Variants in AKAP9 observed in about 807,000 individuals in gnomAD.
AKAP9 encodes the protein A-kinase anchoring protein 9.
A neutral mutation model predicts 488.5 loss-of-function variants in AKAP9; 311 were observed. The observed-to-expected ratio is 0.64, with a 90% CI of 0.58 to 0.70. The LOEUF (loss-of-function observed/expected upper bound fraction) is 0.70, where lower values mean the gene tolerates loss of function less well. Among genes scored for constraint, AKAP9 ranks in the 30% least tolerant of loss-of-function variants. The pLI is 0.00. For synonymous variants in AKAP9, 1,462 were observed against 1,483.5 expected (o/e 0.99, Z 0.33); for missense variants, 4,215 against 4,374.5 (o/e 0.96, Z 1.03).
At chr7:92,020,810 G>A (rs1374048893) in intron 12 of AKAP9, among the ~76,000 whole-genome samples, 1 of 152,210 alleles carries the variant, frequency 6.6e-6, no homozygotes, top group African/African-American at 2.4e-5. Flanking sequence ...TAAGAGGCAA[G>A]ATCCTCTGTT....
intron 5 of AKAP9, among the ~76,000 whole-genome samples, chr7:91,994,223 G>A (rs1798119299): frequency 6.6e-6 from 1 of 152,130 alleles, no homozygotes; most frequent in Non-Finnish European, 1.5e-5. Flanking sequence ...AACTGTCTAT[G>A]GCAGTCAGTT....
chr7:92,103,355 C>CA (rs1265602644), intron 46 of AKAP9, among the ~76,000 whole-genome samples: 1 of 128,166 alleles, frequency 7.8e-6, no homozygotes, highest in African/African-American at 3.0e-5. Flanking sequence ...GGCGCCACTA[C>CA]ACTCCAGCCA....
intron 49 of AKAP9, among the ~76,000 whole-genome samples, chr7:92,109,486 A>AT (rs942209914): frequency 1.4e-4 from 21 of 152,188 alleles, no homozygotes; most frequent in Admixed American, 1.4e-3. Flanking sequence ...CAAGACCCAG[A>AT]TTTTGAAGAC....
chr7:92,085,065 C>T (rs1814280346), intron 35 of AKAP9, 125 bp downstream of exon 35: 9 of 1,034,964 alleles, frequency 8.7e-6, no homozygotes, highest in South Asian at 1.4e-5. Flanking sequence ...TAGAAGGAAT[C>T]TGAGAGATCT....
chr7:92,042,314 G>T lies in AKAP9; in HGVS notation c.5058+128G>T, dbSNP rs1162447981. ...GCTTAACATATTTGTGACTGCATGT[G>T]TGTAAGGTAGGTGGAGTCAAAATGC... is the stretch of plus-strand genomic sequence containing the variant. On this transcript the variant is annotated intron_variant, in intron 19 of 49. Coordinates refer to ENST00000356239, the MANE Select transcript of AKAP9 (RefSeq NM_005751.5). 2.4e-6 allele frequency: 3 copies of T among 1,252,318 alleles called. No individual in the cohort carries two copies. The African/African-American group carries it at 4.4e-5, about 18-fold the overall frequency. 77.6% of individuals were successfully genotyped at this position (1,252,318 alleles called of 1,614,324 possible).
chr7:91,954,661 A>G (rs1293648699), intron 1 of AKAP9, among the ~76,000 whole-genome samples: 1 of 152,204 alleles, frequency 6.6e-6, no homozygotes, highest in East Asian at 1.9e-4. Context: ...TCTAGCCTAG[A>G]GGCTCCCAAA....
At chr7:92,065,111 G>A in intron 24 of AKAP9, 120 bp from the exon 25 acceptor site, 1 of 565,066 alleles carries the variant, frequency 1.8e-6, no homozygotes, top group South Asian at 2.7e-5. Context: ...ACTTTCATGT[G>A]TATTTAAAAT....
At chr7:92,097,508 A>G in intron 41 of AKAP9, 78 bp from the exon 42 acceptor site, 1 of 1,529,066 alleles carries the variant, frequency 6.5e-7, no homozygotes, top group Non-Finnish European at 9.0e-7. Context: ...ATAAACAATA[A>G]TTGTGTTCCC....
intron 14 of AKAP9, among the ~76,000 whole-genome samples, chr7:92,026,723 G>A (rs1042553218): frequency 1.3e-5 from 2 of 152,222 alleles, no homozygotes; most frequent in African/African-American, 4.8e-5. Context: ...CTCCCAAAGT[G>A]CTGAGATTAC....
At position 91,947,793 on chromosome 7, in the gene AKAP9, AT is replaced by A. The variant is rs879732744; in HGVS notation, c.48+6654del. Among the ~76,000 whole-genome samples the A allele has an allele frequency of 3.0e-3, 453 of 152,158 alleles. 2 individuals are homozygous for A. The highest frequency in any genetic ancestry group is 0.01 in the African/African-American group (424 of 41,540). ...AGGTGCTAGATATAAAGAAGCTATAATTTTTTTTAATTGAGGTGAAATTCAT... is the reference window on the plus strand; with the variant it reads ...AGGTGCTAGATATAAAGAAGCTATAATTTTTTTAATTGAGGTGAAATTCAT... On this transcript the variant is annotated intron_variant, in intron 1 of 49. Transcript: ENST00000356239.
At chr7:91,982,204 T>TATGA (rs1562930972) in intron 3 of AKAP9, among the ~76,000 whole-genome samples, 3 of 150,946 alleles carry the variant, frequency 2.0e-5, no homozygotes, top group African/African-American at 7.3e-5. Context: ...TGTATGTATG[T>TATGA]ATGATACTTT....
chr7:92,076,792 C>T, intron 28 of AKAP9, 63 bp from the exon 29 acceptor site: 1 of 1,029,738 alleles, frequency 9.7e-7, no homozygotes, highest in Non-Finnish European at 1.4e-6. Flanking sequence ...TAGCACTCTT[C>T]ATTTTATCTT....
intron 20 of AKAP9, among the ~76,000 whole-genome samples, chr7:92,043,551 A>G (rs1806474340): frequency 1.3e-5 from 2 of 152,082 alleles, no homozygotes; most frequent in Non-Finnish European, 2.9e-5. Flanking sequence ...AATTTTAATC[A>G]TTTCTCTTAA....
intron 8 of AKAP9, among the ~76,000 whole-genome samples, chr7:92,004,053 A>G (rs1452086794): frequency 1.3e-5 from 2 of 152,214 alleles, no homozygotes; most frequent in African/African-American, 4.8e-5. Context: ...AAATGAAACA[A>G]GTAGGATAGT....
At chr7:92,089,591 C>T in intron 38 of AKAP9, 62 bp downstream of exon 38, 1 of 1,523,428 alleles carries the variant, frequency 6.6e-7, no homozygotes, top group African/African-American at 1.4e-5. Flanking sequence ...ACTTTGTTTT[C>T]TTTCTTATTA....
intron 7 of AKAP9, chr7:91,996,077 T>A (rs573814818): frequency 9.7e-5 from 37 of 382,598 alleles, no homozygotes; most frequent in Non-Finnish European, 1.4e-4. Context: ...TTATAATTAT[T>A]TCCACTTATT....
At position 92,096,788 on chromosome 7, in the gene AKAP9, A is replaced by C; in HGVS notation, c.9829A>C (p.Ile3277Leu). 1.7e-5 allele frequency: 28 copies of C among 1,614,244 alleles called. No individual in the cohort carries two copies. The highest frequency in any genetic ancestry group is 2.4e-5 in the Non-Finnish European group (28 of 1,180,044). ...KQLLNESQQK[I>L]ESQRMLYDAQ... ...ACTACTGAACGAATCCCAGCAAAAA[A>C]TAGAATCACAGAGAATGCTATATGA... is the stretch of plus-strand genomic sequence containing the variant. Residue 3277 changes from isoleucine (I) to leucine (L), a missense_variant, in exon 41 of 50, where the codon ATA (isoleucine) becomes CTA (leucine). Coordinates refer to ENST00000356239, the MANE Select transcript of AKAP9 (RefSeq NM_005751.5).
At chr7:91,976,507 G>C (rs1362284097) in intron 2 of AKAP9, among the ~76,000 whole-genome samples, 1 of 152,228 alleles carries the variant, frequency 6.6e-6, no homozygotes, top group Non-Finnish European at 1.5e-5. Flanking sequence ...ACAGGCATGA[G>C]CCACTCACTG....
At chr7:91,956,579 GA>G (rs1383442412) in intron 1 of AKAP9, among the ~76,000 whole-genome samples, 1 of 152,050 alleles carries the variant, frequency 6.6e-6, no homozygotes, top group Non-Finnish European at 1.5e-5. Flanking sequence ...TAGAGTTTTA[GA>G]ACCTAAGGAG....
Sources: gnomAD v4.1 joint callset for allele counts (sites outside exome capture counted in the v4.1 genomes callset) on GRCh38, gnomAD v4.1.1 for gene constraint, MANE v1.5 for transcripts, NCBI Gene and HGNC (gene_info 2026-07-23, HGNC 2026-07-21) for gene names.